The following FAM133A variants were observed in gnomAD, a reference collection of about 807,000 sequenced individuals.
FAM133A encodes family with sequence similarity 133 member A.
For missense variants in FAM133A, 159 were observed against 164.4 expected (o/e 0.97, Z 0.18); for synonymous variants, 65 against 58.6 (o/e 1.11, Z -0.50).
intron 3 of FAM133A, among the ~76,000 whole-genome samples, chrX:93,699,394 C>G (rs1001961959): frequency 1.8e-4 from 20 of 111,015 alleles, no homozygotes; most frequent in African/African-American, 6.2e-4. Flanking sequence ...GCAGCTTCAT[C>G]ATCAATTATT....
rs376335726 is a variant in FAM133A, at chrX:93,679,915, ATTT to A, written c.-193+5204_-193+5206del. On this transcript the variant is annotated intron_variant, in intron 2 of 3. Coordinates refer to ENST00000683942, the MANE Select transcript of FAM133A (RefSeq NM_001171109.2). ...AGGTGTGTACCACCACTCCTGGCAA[ATTT>A]TTTTTTTTTTTTTTTTTTTTTTTTT... is the stretch of plus-strand genomic sequence containing the variant. Among the ~76,000 whole-genome samples, 18 of 62,392 alleles carry A rather than the reference ATTT, an allele frequency of 2.9e-4. No individual in the cohort carries two copies. The East Asian group carries it at 3.1e-3, about 11-fold the overall frequency. 54.2% of individuals were successfully genotyped at this position (62,392 alleles called of 115,157 possible). A position where few individuals can be genotyped will look rare whatever the true frequency, so the allele number is the denominator to read the frequency against.
chrX:93,697,523 G>C (rs2147639139), intron 2 of FAM133A, among the ~76,000 whole-genome samples: 1 of 111,439 alleles, frequency 9.0e-6, no homozygotes, highest in East Asian at 2.8e-4. Context: ...AAATATAACT[G>C]TATTTTCCAA....
intron 2 of FAM133A, among the ~76,000 whole-genome samples, chrX:93,698,014 G>T (rs2147640617): frequency 9.1e-6 from 1 of 110,315 alleles, no homozygotes; most frequent in Non-Finnish European, 1.9e-5. Context: ...GAAGAATTTT[G>T]TTTAAAGAAA....
chrX:93,693,778 T>G (rs1926045464), intron 2 of FAM133A, among the ~76,000 whole-genome samples: 1 of 111,795 alleles, frequency 8.9e-6, no homozygotes, highest in Admixed American at 9.5e-5. Context: ...TTTTTGTAAC[T>G]AATGTTTCTT....
chrX:93,673,884 C>A (rs1924482573), upstream of FAM133A: 2 of 104,722 alleles, frequency 1.9e-5, no homozygotes, highest in Non-Finnish European at 3.9e-5. Flanking sequence ...GTAAAAATAC[C>A]AGCCATAGTT....
intron 3 of FAM133A, among the ~76,000 whole-genome samples, chrX:93,700,912 A>G (rs1321755079): frequency 9.0e-6 from 1 of 111,587 alleles, no homozygotes; most frequent in Non-Finnish European, 1.9e-5. Context: ...AAACCAAGTA[A>G]TGCTATTTAA....
intron 3 of FAM133A, among the ~76,000 whole-genome samples, chrX:93,705,847 T>C (rs1927007011): frequency 9.0e-6 from 1 of 111,566 alleles, no homozygotes; most frequent in Non-Finnish European, 1.9e-5. Context: ...TTTATCCTTC[T>C]AGATGCCCTA....
intron 2 of FAM133A, among the ~76,000 whole-genome samples, chrX:93,684,126 A>G (rs755616422): frequency 7.1e-5 from 8 of 112,007 alleles, no homozygotes; most frequent in Non-Finnish European, 1.5e-4. Context: ...TAATAGATTT[A>G]TAGTCTTGTG....
chrX:93,691,188 A>G (rs143702997), intron 2 of FAM133A, among the ~76,000 whole-genome samples: 1,354 of 111,382 alleles, frequency 0.012, 8 homozygotes, highest in Non-Finnish European at 0.019. Context: ...CATGCTTTCA[A>G]TATTTTACCT....
chrX:93,709,824 G>A lies in FAM133A; in HGVS notation c.405G>A (p.Lys135=). ...AAGGAAAAAGGAGAAAGAAAAAGAAGAACCGTTCATACAAATCATCCCAAA... is the reference window on the plus strand; with the variant it reads ...AAGGAAAAAGGAGAAAGAAAAAGAAAAACCGTTCATACAAATCATCCCAAA... The part of the protein sequence containing the change: ...KKQGKRRKKK[K]NRSYKSSQSS... Residue 135 remains lysine, a synonymous_variant, in exon 4 of 4, where the codon AAG becomes AAA. Coordinates refer to ENST00000683942, the MANE Select transcript of FAM133A (RefSeq NM_001171109.2). The A allele has an allele frequency of 8.3e-7, 1 of 1,199,738 alleles. No homozygotes were observed. The highest frequency in any genetic ancestry group is 1.1e-6 in the Non-Finnish European group (1 of 889,192).
chrX:93,696,781 A>G (rs933368492), intron 2 of FAM133A, among the ~76,000 whole-genome samples: 32 of 110,160 alleles, frequency 2.9e-4, no homozygotes, highest in African/African-American at 8.9e-4. Context: ...TTAGCCGAGC[A>G]TGGTGGCGGG....
chrX:93,675,264 A>G (rs1341016641), intron 2 of FAM133A, among the ~76,000 whole-genome samples: 1 of 111,957 alleles, frequency 8.9e-6, no homozygotes, highest in Non-Finnish European at 1.9e-5. Context: ...ACTTCCTTCC[A>G]GAAATTTCCT....
At chrX:93,702,837 T>TAAAAAAAAAAAAAAAA (rs33985910) in intron 3 of FAM133A, among the ~76,000 whole-genome samples, 15 of 43,042 alleles carry the variant, frequency 3.5e-4, no homozygotes, top group East Asian at 9.7e-4. Context: ...ATAGCTATGA[T>TAAAAAAAAAAAAAAAA]AAAAAAAAAA....
intron 3 of FAM133A, among the ~76,000 whole-genome samples, chrX:93,701,704 C>T (rs1926721128): frequency 9.0e-6 from 1 of 111,660 alleles, no homozygotes; most frequent in South Asian, 3.7e-4. Context: ...AAACAAGTAC[C>T]TTCTTGGAAA....
chrX:93,685,285 T>G (rs1219616647), intron 2 of FAM133A, among the ~76,000 whole-genome samples: 1 of 111,890 alleles, frequency 8.9e-6, no homozygotes, highest in Non-Finnish European at 1.9e-5. Flanking sequence ...TCTGAAAAGT[T>G]TATTTTTACT....
chrX:93,693,443 C>A (rs1926023421), intron 2 of FAM133A, among the ~76,000 whole-genome samples: 1 of 110,988 alleles, frequency 9.0e-6, no homozygotes, highest in Non-Finnish European at 1.9e-5. Context: ...GCCACATGGT[C>A]CTCCCTTTAT....
At chrX:93,685,963 G>T (rs1358608319) in intron 2 of FAM133A, among the ~76,000 whole-genome samples, 2 of 109,376 alleles carry the variant, frequency 1.8e-5, no homozygotes, top group Non-Finnish European at 3.8e-5. Flanking sequence ...ACAAAAATTA[G>T]CTGGGCGTGG....
intron 2 of FAM133A, among the ~76,000 whole-genome samples, chrX:93,697,384 A>G (rs987059573): frequency 9.1e-6 from 1 of 110,215 alleles, no homozygotes; most frequent in Non-Finnish European, 1.9e-5. Flanking sequence ...GTGGTAAATA[A>G]TATCTGATAT....
intron 2 of FAM133A, among the ~76,000 whole-genome samples, chrX:93,688,978 T>C (rs1026221366): frequency 2.7e-5 from 3 of 111,087 alleles, no homozygotes; most frequent in African/African-American, 9.8e-5. Context: ...AGGGATTATG[T>C]TGGAACATAT....
Sources: gnomAD v4.1 joint callset for allele counts (sites outside exome capture counted in the v4.1 genomes callset) on GRCh38, gnomAD v4.1.1 for gene constraint, MANE v1.5 for transcripts, NCBI Gene and HGNC (gene_info 2026-07-23, HGNC 2026-07-21) for gene names.